Variants in CACNB4 observed in about 807,000 individuals in gnomAD.
The protein encoded by CACNB4 is voltage-dependent L-type calcium channel subunit beta-4.
A neutral mutation model predicts 71.2 loss-of-function variants in CACNB4; 32 were observed. The observed-to-expected ratio is 0.45, with a 90% CI of 0.34 to 0.60. CACNB4 has a LOEUF of 0.60. Ranked by LOEUF, CACNB4 falls within the 20% of genes least tolerant of loss-of-function variation. The pLI is 0.01. For missense variants in CACNB4, 464 were observed against 647.9 expected, an observed-to-expected ratio of 0.72 and a Z score of 3.08; for synonymous variants, 231 against 236.9, an observed-to-expected ratio of 0.97 and a Z score of 0.23.
rs1488777552 is a variant in CACNB4 at position 151,835,320 on chromosome 2, T to C, written c.*3799A>G. 1 of 151,904 alleles carries C rather than the reference T, an allele frequency of 6.6e-6. No homozygotes were observed. The highest frequency in any genetic ancestry group is 1.5e-5 in the Non-Finnish European group (1 of 67,790). The allele number at this position is 151,904 out of a possible 1,614,324, so 9.4% of individuals were successfully genotyped here. On this transcript the variant is annotated 3_prime_UTR_variant, in exon 14 of 14. Transcript: ENST00000539935. ...AGAAATGAAAGGGTGCCAAACAGCA[T>C]TTTGGAAACAGTTTAAAATCTAAAG...
At chr2:151,937,773 T>C (rs2099863292) in intron 2 of CACNB4, among the ~76,000 whole-genome samples, 1 of 152,178 alleles carries the variant, frequency 6.6e-6, no homozygotes, top group East Asian at 1.9e-4. Context: ...AATGTAATGG[T>C]CAAATTCCAA....
intron 2 of CACNB4, among the ~76,000 whole-genome samples, chr2:152,069,102 G>A (rs901428078): frequency 2.0e-5 from 3 of 152,176 alleles, no homozygotes; most frequent in African/African-American, 7.2e-5. Context: ...AGATGCCGGT[G>A]AATAAATGCT....
rs138694838 is a variant in CACNB4, at chr2:152,071,775, T to C, written c.147+26555A>G. Among the ~76,000 whole-genome samples, 256 of 152,326 alleles carry C rather than the reference T, an allele frequency of 1.7e-3. 1 individual carries two copies. Among genetic ancestry groups the C allele is most frequent in the African/African-American group, 5.9e-3 (245 of 41,574 alleles). ...TTAGTACCTTATAATATTTAGCCTT[T>C]TCCTTCTATTTTCTAAAGGCATCTA... On this transcript the variant is annotated intron_variant, in intron 2 of 13. Coordinates refer to ENST00000539935, the MANE Select transcript of CACNB4 (RefSeq NM_000726.5).
At chr2:151,915,701 G>T (rs2099857300) in intron 2 of CACNB4, among the ~76,000 whole-genome samples, 1 of 152,150 alleles carries the variant, frequency 6.6e-6, no homozygotes, top group African/African-American at 2.4e-5. Context: ...AAAAAAATCA[G>T]CTGGGCATGG....
chr2:152,000,817 G>A (rs1286631892), intron 2 of CACNB4, among the ~76,000 whole-genome samples: 6 of 152,152 alleles, frequency 3.9e-5, no homozygotes, highest in Admixed American at 3.9e-4. Context: ...GGACAAGACT[G>A]CAGCGAGGAC....
intron 2 of CACNB4, among the ~76,000 whole-genome samples, chr2:152,007,403 A>G (rs1304648246): frequency 6.6e-6 from 1 of 152,174 alleles, no homozygotes; most frequent in Non-Finnish European, 1.5e-5. Context: ...CCTGGCAACC[A>G]CTATTAGAAT....
At chr2:151,840,293 C>A (rs1431470913) in intron 13 of CACNB4, among the ~76,000 whole-genome samples, 1 of 152,136 alleles carries the variant, frequency 6.6e-6, no homozygotes, top group African/African-American at 2.4e-5. Flanking sequence ...AGGTGCCTCA[C>A]AATGAAGTGT....
At chr2:151,941,846 G>C (rs766849825) in intron 2 of CACNB4, among the ~76,000 whole-genome samples, 1 of 152,134 alleles carries the variant, frequency 6.6e-6, no homozygotes, top group Non-Finnish European at 1.5e-5. Flanking sequence ...AGTGAGTGCT[G>C]GCTTCTTGAA....
At chr2:151,845,580 A>T (rs2151328125) in intron 12 of CACNB4, among the ~76,000 whole-genome samples, 1 of 152,360 alleles carries the variant, frequency 6.6e-6, no homozygotes, top group East Asian at 1.9e-4. Context: ...TAAAGGTTCA[A>T]GTGTAGTCAG....
Position 152,098,579 on chromosome 2 carries a change from C to CCCCCCCAGCAA in CACNB4, c.64-167_64-166insTTGCTGGGGGG. Reference sequence around the variant, plus strand: ...CCCAAATACAGCCCCCACCCCCACCCACCCACTGCAAGCCTCGACTGCTGA... The same window carrying CCCCCCCAGCAA: ...CCCAAATACAGCCCCCACCCCCACCCCCCCCCAGCAAACCCACTGCAAGCCTCGACTGCTGA... On this transcript the variant is annotated intron_variant, in intron 1 of 13. Transcript: ENST00000539935. This position sits in a 1 kb window ranked among gnomAD's most constrained non-coding sequence, Gnocchi z 5.3. 1.1e-6 allele frequency: 1 copy of CCCCCCCAGCAA among 943,712 alleles called. No homozygotes were observed. The highest frequency in any genetic ancestry group is 1.7e-6 in the Non-Finnish European group (1 of 591,324). The allele number at this position is 943,712 out of a possible 1,614,324, so 58.5% of individuals were successfully genotyped here.
At chr2:151,955,649 T>C (rs1473043668) in intron 2 of CACNB4, among the ~76,000 whole-genome samples, 1 of 152,124 alleles carries the variant, frequency 6.6e-6, no homozygotes, top group African/African-American at 2.4e-5. Context: ...TCCCAGCACT[T>C]TGGGAGGCTG....
chr2:151,969,280 C>G (rs572589244), intron 2 of CACNB4: 1 of 152,340 alleles, frequency 6.6e-6, no homozygotes, highest in South Asian at 2.1e-4. Flanking sequence ...TCCACCAAAC[C>G]ATAGAGACCT....
At chr2:152,058,136 TG>T (rs1685818432) in intron 2 of CACNB4, among the ~76,000 whole-genome samples, 1 of 152,246 alleles carries the variant, frequency 6.6e-6, no homozygotes, top group Admixed American at 6.5e-5. Context: ...CCTCCATGAC[TG>T]TAAAGTTTCC....
chr2:152,035,651 C>CTCTCTCTCTATATATATATA (rs796161186), intron 2 of CACNB4, among the ~76,000 whole-genome samples: 2 of 118,042 alleles, frequency 1.7e-5, no homozygotes, highest in Admixed American at 8.6e-5. Flanking sequence ...CTCTCTCTCT[C>CTCTCTCTCTATATATATATA]TATATATATA....
intron 2 of CACNB4, among the ~76,000 whole-genome samples, chr2:152,051,818 C>T (rs1685444759): frequency 6.6e-6 from 1 of 152,230 alleles, no homozygotes; most frequent in African/African-American, 2.4e-5. Flanking sequence ...AATCCCTCCA[C>T]TCCCCCGACC....
At chr2:152,088,476 C>T (rs1461374177) in intron 2 of CACNB4, among the ~76,000 whole-genome samples, 1 of 152,140 alleles carries the variant, frequency 6.6e-6, no homozygotes, top group African/African-American at 2.4e-5. Flanking sequence ...AGTTAACCAC[C>T]TCTAGTGATC....
chr2:151,867,392 T>G (rs2099843436), intron 9 of CACNB4: 1 of 152,236 alleles, frequency 6.6e-6, no homozygotes, highest in Admixed American at 6.5e-5. Context: ...AATGCTTTTT[T>G]AGAAAGTGTA....
intron 2 of CACNB4, among the ~76,000 whole-genome samples, chr2:152,049,487 C>A (rs1470759059): frequency 6.6e-6 from 1 of 152,156 alleles, no homozygotes; most frequent in Non-Finnish European, 1.5e-5. Flanking sequence ...AACCGTATTT[C>A]TCCTTCTCAT....
At chr2:151,865,275 A>G (rs1402034122) in intron 9 of CACNB4, among the ~76,000 whole-genome samples, 3 of 152,092 alleles carry the variant, frequency 2.0e-5, no homozygotes, top group Non-Finnish European at 4.4e-5. Flanking sequence ...AGTCTCCCTA[A>G]GTTGTATGTT....
Sources: gnomAD v4.1 joint callset for allele counts (sites outside exome capture counted in the v4.1 genomes callset) on GRCh38, gnomAD v4.1.1 for gene constraint, Gnocchi (gnomAD v3.1) non-coding constraint, MANE v1.5 for transcripts, NCBI Gene and HGNC (gene_info 2026-07-23, HGNC 2026-07-21) for gene names.